NR3C2: variants seen among roughly 807,000 people sequenced by gnomAD.
The protein encoded by NR3C2 is mineralocorticoid receptor.
In NR3C2, 15 loss-of-function variants were observed where a neutral mutation model predicts 86.4. The observed-to-expected ratio is 0.17, with a 90% CI of 0.12 to 0.27. The LOEUF (loss-of-function observed/expected upper bound fraction) is 0.27. Ranked by LOEUF, NR3C2 falls within the 10% of genes least tolerant of loss-of-function variation. NR3C2 has a pLI of 1.00. For synonymous variants in NR3C2, 458 were observed against 450.5 expected (o/e 1.02, Z -0.21); for missense variants, 960 against 1,195.6 (o/e 0.80, Z 2.91).
chr4:148,095,005 A>G (rs1731219098), intron 8 of NR3C2, among the ~76,000 whole-genome samples: 1 of 152,216 alleles, frequency 6.6e-6, no homozygotes, highest in Admixed American at 6.5e-5. Context: ...CCAAATTCAT[A>G]GAAACAAAGC....
intron 3 of NR3C2, among the ~76,000 whole-genome samples, chr4:148,237,636 TGTAGAAGTTGGAGCACTGCCCAA>T (rs67187825): frequency 0.72 from 108,544 of 150,358 alleles, 40,597 homozygotes; most frequent in East Asian, 0.89. Context: ...CTTCAATAAT[TGTAGAAGTTGGAGCACTGCCCAA>T]AAACAAAATG....
intron 8 of NR3C2, among the ~76,000 whole-genome samples, chr4:148,102,056 C>T (rs1438386501): frequency 6.6e-6 from 1 of 152,228 alleles, no homozygotes; most frequent in Non-Finnish European, 1.5e-5. Context: ...GACCTTTCTG[C>T]AGCTTCTTCC....
At chr4:148,327,132 G>T (rs1744010641) in intron 2 of NR3C2, among the ~76,000 whole-genome samples, 1 of 151,934 alleles carries the variant, frequency 6.6e-6, no homozygotes, top group Non-Finnish European at 1.5e-5. Flanking sequence ...GATGTGAGAG[G>T]GGTTAGGGTA....
chr4:148,237,268 T>C (rs755929076), intron 3 of NR3C2, among the ~76,000 whole-genome samples: 1 of 152,192 alleles, frequency 6.6e-6, no homozygotes, highest in Admixed American at 6.5e-5. Context: ...TTTATCACTA[T>C]AAAATATCAA....
intron 2 of NR3C2, among the ~76,000 whole-genome samples, chr4:148,347,202 T>G (rs1442650622): frequency 1.3e-5 from 2 of 152,106 alleles, no homozygotes; most frequent in East Asian, 3.8e-4. Context: ...TTTCCTGCAT[T>G]TTATGTATAT....
intron 3 of NR3C2, among the ~76,000 whole-genome samples, chr4:148,215,193 A>G (rs1034107056): frequency 3.9e-5 from 6 of 152,266 alleles, no homozygotes; most frequent in African/African-American, 1.4e-4. Context: ...TCCAGAATAC[A>G]GGCATGTCCC....
chr4:148,392,658 G>A (rs1392192743), intron 2 of NR3C2, among the ~76,000 whole-genome samples: 1 of 152,118 alleles, frequency 6.6e-6, no homozygotes, highest in East Asian at 1.9e-4. Context: ...GCAGGTCAAG[G>A]AAACATGGTT....
chr4:148,395,589 G>A (rs537590664), intron 2 of NR3C2, among the ~76,000 whole-genome samples: 1 of 152,168 alleles, frequency 6.6e-6, no homozygotes, highest in Non-Finnish European at 1.5e-5. Flanking sequence ...TGTGCTAAAC[G>A]TGTTCATACA....
intron 3 of NR3C2, among the ~76,000 whole-genome samples, chr4:148,254,557 C>T (rs1739734999): frequency 1.3e-5 from 2 of 152,104 alleles, no homozygotes; most frequent in African/African-American, 4.8e-5. Flanking sequence ...CACATCTGGG[C>T]AAACATTTGC....
intron 6 of NR3C2, among the ~76,000 whole-genome samples, chr4:148,132,124 A>G (rs1280845047): frequency 2.6e-5 from 4 of 152,252 alleles, no homozygotes; most frequent in African/African-American, 7.2e-5. Context: ...TCTTTAGTGC[A>G]GGAGAGAAAA....
intron 3 of NR3C2, chr4:148,208,782 C>T (rs1277097417): frequency 1.3e-5 from 2 of 152,116 alleles, no homozygotes; most frequent in Non-Finnish European, 2.9e-5. Context: ...CCAGTTTGTC[C>T]CATTATTACC....
chr4:148,432,934 T>G (rs960406340), intron 2 of NR3C2, among the ~76,000 whole-genome samples: 11 of 152,166 alleles, frequency 7.2e-5, no homozygotes, highest in African/African-American at 2.4e-4. Flanking sequence ...CAAATCACGT[T>G]AAAGCTTTAA....
At chr4:148,279,465 A>G (rs1741128868) in intron 2 of NR3C2, among the ~76,000 whole-genome samples, 1 of 152,174 alleles carries the variant, frequency 6.6e-6, no homozygotes, top group South Asian at 2.1e-4. Flanking sequence ...AGGCTTATGG[A>G]AAGAGGAAAC....
intron 6 of NR3C2, among the ~76,000 whole-genome samples, chr4:148,132,439 T>C (rs769207882): frequency 6.6e-6 from 1 of 151,928 alleles, no homozygotes; most frequent in African/African-American, 2.4e-5. Context: ...AAAGGAAAAA[T>C]AGTTTACTGG....
intron 2 of NR3C2, among the ~76,000 whole-genome samples, chr4:148,311,532 C>T (rs1742898946): frequency 6.6e-6 from 1 of 152,186 alleles, no homozygotes; most frequent in South Asian, 2.1e-4. Flanking sequence ...ATCACTACCA[C>T]AATGCTCCAG....
chr4:148,114,903 C>G (rs769827916), intron 7 of NR3C2, among the ~76,000 whole-genome samples: 5 of 152,178 alleles, frequency 3.3e-5, no homozygotes, highest in Non-Finnish European at 7.3e-5. Context: ...TTTCTATCCA[C>G]TTTGCACCAG....
intron 8 of NR3C2, among the ~76,000 whole-genome samples, chr4:148,091,434 C>T (rs1731056420): frequency 6.6e-6 from 1 of 152,204 alleles, no homozygotes; most frequent in African/African-American, 2.4e-5. Flanking sequence ...TGCAGAGCCC[C>T]ATCTCAACTG....
At position 148,140,827 on chromosome 4, in the gene NR3C2, C is replaced by G. The variant is rs533559773; in HGVS notation, c.2510+11642G>C. On this transcript the variant is annotated intron_variant, in intron 6 of 8. Transcript: ENST00000358102. Reference sequence around the variant, plus strand: ...ATAGTAATATATAGCTTAAACAGTTCATTCCATTTGCAGTCTCATATTTGT... The same window carrying G: ...ATAGTAATATATAGCTTAAACAGTTGATTCCATTTGCAGTCTCATATTTGT... Among the ~76,000 whole-genome samples the G allele has an allele frequency of 5.9e-5, 9 of 152,312 alleles. No individual in the cohort carries two copies. In the South Asian group the frequency reaches 1.7e-3, roughly 28 times the overall value.
intron 8 of NR3C2, among the ~76,000 whole-genome samples, chr4:148,110,421 T>G (rs1214738968): frequency 6.6e-6 from 1 of 152,228 alleles, no homozygotes; most frequent in Non-Finnish European, 1.5e-5. Context: ...TAGAAACAAA[T>G]GCTCTTTTTT....
Sources: gnomAD v4.1 joint callset for allele counts (sites outside exome capture counted in the v4.1 genomes callset) on GRCh38, gnomAD v4.1.1 for gene constraint, MANE v1.5 for transcripts, NCBI Gene and HGNC (gene_info 2026-07-23, HGNC 2026-07-21) for gene names.